The following PLXNA2 variants were observed in gnomAD, a reference collection of about 807,000 sequenced individuals.
PLXNA2 encodes the protein plexin A2.
PLXNA2 carries 91 observed loss-of-function variants against 193.5 expected under a neutral mutation model. The ratio of observed to expected loss-of-function variants is 0.47; its 90% CI spans 0.40 to 0.56. The LOEUF is 0.56. Among genes scored for constraint, PLXNA2 ranks in the 20% least tolerant of loss-of-function variants. The pLI, the probability that PLXNA2 is intolerant of heterozygous loss-of-function variation, is 0.00. For synonymous variants in PLXNA2, 997 were observed against 1,027.3 expected (o/e 0.97, Z 0.56); for missense variants, 1,995 against 2,503.2 (o/e 0.80, Z 4.33).
At chr1:208,049,774 C>G (rs543772000) in intron 17 of PLXNA2, among the ~76,000 whole-genome samples, 15 of 152,292 alleles carry the variant, frequency 9.8e-5, no homozygotes, top group Non-Finnish European at 1.5e-5. Context: ...TTCTAACACT[C>G]TGTCATTTTG....
chr1:208,197,973 C>T (rs1291979164), intron 3 of PLXNA2, among the ~76,000 whole-genome samples: 3 of 152,250 alleles, frequency 2.0e-5, no homozygotes, highest in East Asian at 1.9e-4. Flanking sequence ...ATCCCAGGTG[C>T]GCCCCATTAG....
At chr1:208,045,274 T>C in intron 18 of PLXNA2, 64 bp from the exon 19 acceptor site, 1 of 1,536,120 alleles carries the variant, frequency 6.5e-7, no homozygotes, top group Non-Finnish European at 9.0e-7. Flanking sequence ...AATTGCCTAC[T>C]TAAAAAGAGA....
Position 208,038,794 on chromosome 1 carries a change from T to C in PLXNA2, c.4660+31A>G. The stretch of plus-strand genomic sequence containing the variant: ...TTCCCTTCCTTCACCTCTCAACCCC[T>C]GCCCTCACACTCTGAGTCCAGGTTT... On this transcript the variant is annotated intron_variant, in intron 25 of 31. Transcript: ENST00000367033. This position sits in a 1 kb window ranked among gnomAD's most constrained non-coding sequence, Gnocchi z 4.1. 2 of 1,606,600 alleles carry C rather than the reference T, an allele frequency of 1.2e-6. No homozygotes were observed. Among genetic ancestry groups the C allele is most frequent in the Non-Finnish European group, 1.7e-6 (2 of 1,174,998 alleles).
rs74725129 is a variant in PLXNA2, at chr1:208,239,378, C to T, written c.-81+4265G>A. On this transcript the variant is annotated intron_variant, in intron 1 of 31. Coordinates refer to ENST00000367033, the MANE Select transcript of PLXNA2 (RefSeq NM_025179.4). ...CCACCCCCATTCACACTGTTAATCT[C>T]TCTGTCTTTATCTTCCCTTGCTGTC... Among the ~76,000 whole-genome samples the T allele has an allele frequency of 2.0e-5, 3 of 152,312 alleles. No homozygotes were observed. In the East Asian group the frequency reaches 5.8e-4, roughly 29 times the overall value.
chr1:208,217,907 G>A lies in PLXNA2; in HGVS notation c.16C>T (p.Pro6Ser). The A allele has an allele frequency of 1.2e-6, 2 of 1,610,342 alleles. No homozygotes were observed. Among genetic ancestry groups the A allele is most frequent in the Non-Finnish European group, 8.5e-7 (1 of 1,179,910 alleles). The change falls in exon 2 of 32, where the codon CCC becomes TCC. Residue 6 changes from proline (P) to serine (S), a missense_variant. Physicochemically the swap from Pro to Ser is moderately conservative, Grantham distance 74. Coordinates refer to ENST00000367033, the MANE Select transcript of PLXNA2 (RefSeq NM_025179.4). The surrounding 1 kb of genome is among the most constrained non-coding windows in gnomAD (Gnocchi z 4.7). MEQRR[P>S]WPRALEVDSR... The stretch of plus-strand genomic sequence containing the variant: ...TCCACCTCCAGGGCCCGGGGCCAGG[G>A]CCGCCTCTGTTCCATGCTGAGAGGG...
Position 208,217,610 on chromosome 1 carries a change from C to T in PLXNA2, c.313G>A (p.Glu105Lys), listed in dbSNP as rs147064862. ...YPPLIVQPCS[E>K]VLTLTNNVNK... ...ACATTGTTGGTGAGGGTGAGCACTTCGCTGCAGGGCTGCACGATGAGGGGC... is the reference window on the plus strand; with the variant it reads ...ACATTGTTGGTGAGGGTGAGCACTTTGCTGCAGGGCTGCACGATGAGGGGC... Residue 105 changes from glutamate (E) to lysine (K), a missense_variant, in exon 2 of 32, where the codon GAA becomes AAA. Physicochemically the swap from Glu to Lys is moderately conservative, Grantham distance 56 (BLOSUM62 1). Coordinates refer to ENST00000367033, the MANE Select transcript of PLXNA2 (RefSeq NM_025179.4). The surrounding 1 kb of genome is among the most constrained non-coding windows in gnomAD (Gnocchi z 4.7). The T allele has an allele frequency of 6.4e-5, 104 of 1,614,084 alleles. No homozygotes were observed. The highest frequency in any genetic ancestry group is 2.4e-4 in the African/African-American group (18 of 74,924).
Position 208,023,390 on chromosome 1 carries a change from T to C in PLXNA2, c.*3853A>G, listed in dbSNP as rs1287853955. ...GATTTATCAGCCAGAAGCTTTCAAA[T>C]GCTCCCTATTTGTTCTGCCCAGGCC... On this transcript the variant is annotated 3_prime_UTR_variant, in exon 32 of 32. Coordinates refer to ENST00000367033, the MANE Select transcript of PLXNA2 (RefSeq NM_025179.4). 3 of 152,748 alleles carry C rather than the reference T, an allele frequency of 2.0e-5. No individual in the cohort carries two copies. Among genetic ancestry groups the C allele is most frequent in the African/African-American group, 7.2e-5 (3 of 41,454 alleles). The allele number at this position is 152,748 out of a possible 1,614,324, so 9.5% of individuals were successfully genotyped here.
chr1:208,096,867 C>T lies in PLXNA2; in HGVS notation c.1748G>A (p.Ser583Asn). Residue 583 changes from serine to asparagine, a missense_variant, in exon 7 of 32, where the codon AGT becomes AAT. By Grantham distance (46) the Ser-to-Asn change is conservative (BLOSUM62 1). Around this residue, in one of 3 missense-constraint regions of PLXNA2, gnomAD observed 702 missense variants for 812.9 expected, o/e 0.86. Coordinates refer to ENST00000367033, the MANE Select transcript of PLXNA2 (RefSeq NM_025179.4). Reference protein sequence around the residue: ...EHSRLLSLVVSDAPDLSAGIA... With the variant: ...EHSRLLSLVVNDAPDLSAGIA... ...ACCCGCAGATAGATCAGGAGCATCA[C>T]TCACTACCAGGCTAAGCTGTGGGAG... 1.2e-6 allele frequency: 2 copies of T among 1,613,842 alleles called. No homozygotes were observed. Among genetic ancestry groups the T allele is most frequent in the Non-Finnish European group, 1.7e-6 (2 of 1,179,986 alleles).
intron 27 of PLXNA2, among the ~76,000 whole-genome samples, 180 bp from the exon 28 acceptor site, chr1:208,033,689 G>A (rs1460853313): frequency 2.6e-5 from 4 of 152,212 alleles, no homozygotes; most frequent in Non-Finnish European, 5.9e-5. Context: ...TTGGCATGAG[G>A]ACGGAAGAGC....
At chr1:208,178,123 T>C (rs202099005) in intron 3 of PLXNA2, among the ~76,000 whole-genome samples, 1 of 141,886 alleles carries the variant, frequency 7.0e-6, no homozygotes, top group Non-Finnish European at 1.6e-5. Context: ...TCTTTCCTCT[T>C]TATCCTACCG....
In PLXNA2 at chr1:208,046,118, C is replaced by T. The variant is rs1665054342; in HGVS notation, c.3256-1G>A. On this transcript the variant is annotated splice_acceptor_variant, in intron 17 of 31. Coordinates refer to ENST00000367033, the MANE Select transcript of PLXNA2 (RefSeq NM_025179.4). LOFTEE classifies it high-confidence loss of function. ...TGGTTGTGTTCACAACTTTACACAC[C>T]TAAGAGATCCAGAGCGCAGCATTCA... 6.2e-7 allele frequency: 1 copy of T among 1,612,646 alleles called. No homozygotes were observed. Among genetic ancestry groups the T allele is most frequent in the African/African-American group, 1.3e-5 (1 of 74,912 alleles).
chr1:208,095,296 C>T (rs2102406659), intron 8 of PLXNA2, among the ~76,000 whole-genome samples: 1 of 152,284 alleles, frequency 6.6e-6, no homozygotes, highest in South Asian at 2.1e-4. Flanking sequence ...GTTTCACTCC[C>T]TCCATTTCTG....
intron 12 of PLXNA2, among the ~76,000 whole-genome samples, chr1:208,061,660 T>C (rs1212684064): frequency 1.3e-5 from 2 of 152,236 alleles, no homozygotes; most frequent in African/African-American, 2.4e-5. Context: ...TATTTATTCA[T>C]TCCTTAATTC....
At chr1:208,182,885 A>T (rs1183882360) in intron 3 of PLXNA2, among the ~76,000 whole-genome samples, 1 of 152,062 alleles carries the variant, frequency 6.6e-6, no homozygotes, top group East Asian at 1.9e-4. Flanking sequence ...GGGGTAGGGG[A>T]CAGTAAAAGC....
In PLXNA2 at chr1:208,185,043, C is replaced by T. The variant is rs184826927; in HGVS notation, c.1371+25237G>A. 4.1e-3 allele frequency among the ~76,000 whole-genome samples: 632 copies of T among 152,326 alleles called. 2 individuals carry two copies. The highest frequency in any genetic ancestry group is 7.2e-3 in the Non-Finnish European group (490 of 68,012). On this transcript the variant is annotated intron_variant, in intron 3 of 31. Coordinates refer to ENST00000367033, the MANE Select transcript of PLXNA2 (RefSeq NM_025179.4). ...AGCCCTCCCATCAGCCCCCTCCCTA[C>T]TCCTGGCATTGGCCCATAAGGAATC...
intron 12 of PLXNA2, among the ~76,000 whole-genome samples, chr1:208,069,556 C>T (rs188695953): frequency 4.6e-5 from 7 of 152,304 alleles, no homozygotes; most frequent in African/African-American, 1.7e-4. Flanking sequence ...AAGGGCTGCA[C>T]TGGGGAGGCG....
chr1:208,231,484 G>A (rs971836086), intron 1 of PLXNA2, among the ~76,000 whole-genome samples: 1 of 152,138 alleles, frequency 6.6e-6, no homozygotes. Flanking sequence ...CTGGTCACCC[G>A]CCCTCCCCTC....
intron 4 of PLXNA2, among the ~76,000 whole-genome samples, chr1:208,113,628 A>G (rs775803370): frequency 2.2e-4 from 30 of 138,724 alleles, no homozygotes; most frequent in Admixed American, 1.8e-3. Context: ...TGGCTCACTG[A>G]AGCCTCAGGC....
At chr1:208,129,455 G>A (rs1349841055) in intron 4 of PLXNA2, among the ~76,000 whole-genome samples, 1 of 152,198 alleles carries the variant, frequency 6.6e-6, no homozygotes, top group Non-Finnish European at 1.5e-5. Flanking sequence ...GAGCCCCCCT[G>A]AAGGCTGCTC....
Sources: gnomAD v4.1 joint callset for allele counts (sites outside exome capture counted in the v4.1 genomes callset) on GRCh38, gnomAD v4.1.1 for gene constraint, gnomAD v4.1.1 regional missense constraint, Gnocchi (gnomAD v3.1) non-coding constraint, MANE v1.5 for transcripts, NCBI Gene and HGNC (gene_info 2026-07-23, HGNC 2026-07-21) for gene names.